Variants in FANCI observed in about 807,000 individuals in gnomAD.
FANCI encodes FA complementation group I.
In FANCI, 156 loss-of-function variants were observed where a neutral mutation model predicts 176.1. The observed-to-expected ratio is 0.89, with a 90% confidence interval of 0.78 to 1.01. FANCI has a LOEUF of 1.01. Among genes scored for constraint, FANCI ranks in the 50% least tolerant of loss-of-function variants. The pLI, the probability that FANCI is intolerant of heterozygous loss-of-function variation, is 0.00. For missense variants in FANCI, 1,678 were observed against 1,534.1 expected, an observed-to-expected ratio of 1.09 and a Z score of -1.57; for synonymous variants, 613 against 541.7, an observed-to-expected ratio of 1.13 and a Z score of -1.83.
At chr15:89,288,684 G>T (rs1282142625) in intron 18 of FANCI, among the ~76,000 whole-genome samples, 3 of 150,396 alleles carry the variant, frequency 2.0e-5, no homozygotes, top group African/African-American at 7.3e-5. Context: ...CACTAGTGCA[G>T]TCTAACTCAC....
At position 89,291,611 on chromosome 15, in the gene FANCI, A is replaced by G. The variant is rs776329920; in HGVS notation, c.1891-2A>G. The stretch of plus-strand genomic sequence containing the variant: ...ATGTCTTTTTTTTCTTACTATACAC[A>G]GTTAAAACAGTTCTATGAGCCAAAA... On this transcript the variant is annotated splice_acceptor_variant, in intron 19 of 37. Transcript: ENST00000310775. LOFTEE classifies it high-confidence loss of function. The G allele has an allele frequency of 2.7e-5, 44 of 1,612,352 alleles. No homozygotes were observed. The highest frequency in any genetic ancestry group is 3.6e-5 in the Non-Finnish European group (42 of 1,178,650).
rs775006497 is a variant in FANCI, at chr15:89,281,267, T to G, written c.1479T>G (p.Leu493=). ...TTGACTATTTGTCCTTTCTGCCCCTTCAGACTGTACAAAGGCTGCTTAAGG... is the reference window on the plus strand; with the variant it reads ...TTGACTATTTGTCCTTTCTGCCCCTGCAGACTGTACAAAGGCTGCTTAAGG... ...EAFDYLSFLP[L]QTVQRLLKAV... The change falls in exon 15 of 38, where the codon CTT becomes CTG. Residue 493 remains leucine (L), a synonymous_variant. Coordinates refer to ENST00000310775, the MANE Select transcript of FANCI (RefSeq NM_001113378.2). 3 of 1,613,782 alleles carry G rather than the reference T, an allele frequency of 1.9e-6. No homozygotes were observed. Among genetic ancestry groups the G allele is most frequent in the African/African-American group, 1.3e-5 (1 of 74,926 alleles).
At chr15:89,295,236 A>G in intron 24 of FANCI, 142 bp downstream of exon 24, 2 of 978,864 alleles carry the variant, frequency 2.0e-6, no homozygotes, top group Non-Finnish European at 2.9e-6. Flanking sequence ...GCCAGGTGGC[A>G]GGCACTTGTA....
intron 3 of FANCI, among the ~76,000 whole-genome samples, chr15:89,259,510 T>A (rs1371193110): frequency 6.6e-6 from 1 of 152,198 alleles, no homozygotes; most frequent in Non-Finnish European, 1.5e-5. Context: ...AGCAACTGCC[T>A]ACGTACACTA....
At chr15:89,249,931 T>C (rs2052165212) in intron 2 of FANCI, among the ~76,000 whole-genome samples, 1 of 152,194 alleles carries the variant, frequency 6.6e-6, no homozygotes, top group Admixed American at 6.6e-5. Flanking sequence ...CATAGAATGT[T>C]CATAAAAATT....
At chr15:89,274,094 T>C in intron 11 of FANCI, 74 bp from the exon 12 acceptor site, 2 of 1,164,194 alleles carry the variant, frequency 1.7e-6, no homozygotes, top group South Asian at 1.5e-5. Flanking sequence ...TATTTTCTTA[T>C]TTCTTTCATT....
chr15:89,284,375 T>C (rs2053737525), intron 17 of FANCI, among the ~76,000 whole-genome samples: 1 of 152,218 alleles, frequency 6.6e-6, no homozygotes, highest in Admixed American at 6.5e-5. Flanking sequence ...ATCCTCACTT[T>C]ATTGCTTTGG....
intron 19 of FANCI, 47 bp downstream of exon 19, chr15:89,290,328 CGA>C (rs1271594174): frequency 9.2e-6 from 13 of 1,415,812 alleles, no homozygotes; most frequent in Admixed American, 6.7e-5. Context: ...CATCAAGGAT[CGA>C]GAGACAGTTG....
chr15:89,302,576 A>AT lies in FANCI; in HGVS notation c.3006+1134_3006+1135insT, dbSNP rs1487701836. 6.1e-4 allele frequency among the ~76,000 whole-genome samples: 93 copies of AT among 151,644 alleles called. 1 individual carries two copies. The highest frequency in any genetic ancestry group is 2.2e-3 in the African/African-American group (90 of 41,314). On this transcript the variant is annotated intron_variant, in intron 27 of 37. Coordinates refer to ENST00000310775, the MANE Select transcript of FANCI (RefSeq NM_001113378.2). ...ACTTCAGGTAGTCTCTTTAAAAAAAAATTTTTTTTTTTTTTGAGACAGAGT... is the reference window on the plus strand; with the variant it reads ...ACTTCAGGTAGTCTCTTTAAAAAAAATATTTTTTTTTTTTTTGAGACAGAGT...
chr15:89,294,054 C>A, intron 23 of FANCI, 57 bp downstream of exon 23: 1 of 1,568,410 alleles, frequency 6.4e-7, no homozygotes, highest in Non-Finnish European at 8.8e-7. Context: ...GTATACCTAC[C>A]TAGGCTCACT....
chr15:89,316,270 G>T, intron 37 of FANCI, 127 bp from the exon 38 acceptor site: 2 of 946,980 alleles, frequency 2.1e-6, no homozygotes, highest in Non-Finnish European at 3.3e-6. Context: ...CTGTGAGTGG[G>T]AAAGTGGGGA....
chr15:89,250,950 A>G (rs1249535823), intron 2 of FANCI, among the ~76,000 whole-genome samples: 1 of 151,916 alleles, frequency 6.6e-6, no homozygotes, highest in Non-Finnish European at 1.5e-5. Flanking sequence ...CAACAACAAA[A>G]AAACACAAGA....
At chr15:89,287,867 T>C (rs998483794) in intron 18 of FANCI, among the ~76,000 whole-genome samples, 5 of 152,188 alleles carry the variant, frequency 3.3e-5, no homozygotes, top group South Asian at 2.1e-4. Context: ...CTATCTTATA[T>C]AGACACAATT....
At chr15:89,307,830 C>G in intron 34 of FANCI, 158 bp downstream of exon 34, 1 of 1,509,878 alleles carries the variant, frequency 6.6e-7, no homozygotes, top group Non-Finnish European at 8.8e-7. Context: ...GGCTTGAGGG[C>G]TTTGCAGCAA....
At position 89,305,414 on chromosome 15, in the gene FANCI, G is replaced by GT. The variant is rs878854178; in HGVS notation, c.3255+6dup. The GT allele has an allele frequency of 2.1e-3, 3,377 of 1,613,398 alleles. 34 individuals carry two copies. Among genetic ancestry groups the GT allele is most frequent in the East Asian group, 0.015 (656 of 44,884 alleles). On this transcript the variant is annotated splice_donor_region_variant and intron_variant, in intron 30 of 37. Coordinates refer to ENST00000310775, the MANE Select transcript of FANCI (RefSeq NM_001113378.2). Reference sequence around the variant, plus strand: ...ACGGCTGCCCCCACTGTCTGTGTAAGTGTTGTACCTGAGCCATGGGGAATA... The same window carrying GT: ...ACGGCTGCCCCCACTGTCTGTGTAAGTTGTTGTACCTGAGCCATGGGGAATA...
At chr15:89,248,054 A>C (rs2052068923) in intron 2 of FANCI, among the ~76,000 whole-genome samples, 1 of 152,226 alleles carries the variant, frequency 6.6e-6, no homozygotes, top group Non-Finnish European at 1.5e-5. Flanking sequence ...TAATATCCAG[A>C]CTATAGTTAC....
intron 8 of FANCI, 141 bp downstream of exon 8, chr15:89,264,167 C>G (rs964005544): frequency 1.0e-6 from 1 of 956,702 alleles, no homozygotes; most frequent in Non-Finnish European, 1.7e-6. Flanking sequence ...CAAACATAGC[C>G]GAACATAGAT....
Position 89,294,905 on chromosome 15 carries a change from C to T in FANCI, c.2457-10C>T. 1.3e-6 allele frequency: 2 copies of T among 1,549,848 alleles called. No individual in the cohort carries two copies. On this transcript the variant is annotated splice_polypyrimidine_tract_variant and intron_variant, in intron 23 of 37. Coordinates refer to ENST00000310775, the MANE Select transcript of FANCI (RefSeq NM_001113378.2). Reference sequence around the variant, plus strand: ...TTCCTTTTTCTTTCTCTCTCTCTGTCTCTCTCTAGGGATAGTATCCAAAGC... The same window carrying T: ...TTCCTTTTTCTTTCTCTCTCTCTGTTTCTCTCTAGGGATAGTATCCAAAGC...
At chr15:89,287,330 C>T (rs1483981613) in intron 18 of FANCI, among the ~76,000 whole-genome samples, 1 of 152,188 alleles carries the variant, frequency 6.6e-6, no homozygotes, top group East Asian at 1.9e-4. Context: ...GAACCAACCT[C>T]TGCTCGCTTC....
Sources: gnomAD v4.1 joint callset for allele counts (sites outside exome capture counted in the v4.1 genomes callset) on GRCh38, gnomAD v4.1.1 for gene constraint, MANE v1.5 for transcripts, NCBI Gene and HGNC (gene_info 2026-07-23, HGNC 2026-07-21) for gene names.